NDUFV1: variants seen among roughly 807,000 people sequenced by gnomAD.
The protein encoded by NDUFV1 is NADH:ubiquinone oxidoreductase core subunit V1.
A neutral mutation model predicts 48.7 loss-of-function variants in NDUFV1; 41 were observed. The observed-to-expected ratio is 0.84, with a 90% CI of 0.66 to 1.09. NDUFV1 has a LOEUF of 1.09. NDUFV1 is among the 50% of genes least tolerant of loss of function. NDUFV1 has a pLI of 0.00. For missense variants in NDUFV1, 580 were observed against 645.4 expected, an observed-to-expected ratio of 0.90 and a Z score of 1.10; for synonymous variants, 231 against 259.1, an observed-to-expected ratio of 0.89 and a Z score of 1.04.
rs1330517406 is a variant in NDUFV1, at chr11:67,607,034, G to A, written c.30G>A (p.Trp10Ter). The change falls in exon 1 of 10, where the codon TGG becomes TGA. Residue 10 changes from tryptophan to a stop codon, truncating the protein, a stop_gained. Transcript: ENST00000322776. LOFTEE classifies it high-confidence loss of function. MLATRRLLG[W>*]SLPARVSVRF... ...TGGCAACACGGCGGCTGCTCGGCTG[G>A]TCGCTTCCCGCGCGGGTATCTGTGC... 6.2e-7 allele frequency: 1 copy of A among 1,609,440 alleles called. No homozygotes were observed. The highest frequency in any genetic ancestry group is 8.5e-7 in the Non-Finnish European group (1 of 1,179,122).
In NDUFV1 at chr11:67,608,662, G is replaced by C; in HGVS notation, c.266G>C (p.Gly89Ala). 1 of 1,614,174 alleles carries C rather than the reference G, an allele frequency of 6.2e-7. No homozygotes were observed. Among genetic ancestry groups the C allele is most frequent in the Non-Finnish European group, 8.5e-7 (1 of 1,180,020 alleles). The part of the protein sequence containing the change: ...EIKTSGLRGR[G>A]GAGFPTGLKW... ...AAGACATCGGGTTTGAGGGGCCGTG[G>C]AGGCGCTGGCTTCCCCACTGGCCTC... Residue 89 changes from glycine to alanine, a missense_variant, in exon 3 of 10, where the codon GGA (glycine) becomes GCA (alanine). Transcript: ENST00000322776.
At chr11:67,610,232 A>G (rs1364038823) in intron 4 of NDUFV1, 149 bp from the exon 5 acceptor site, 13 of 786,900 alleles carry the variant, frequency 1.7e-5, no homozygotes, top group East Asian at 2.5e-5. Context: ...AAGTTTTCCA[A>G]TTCGTTTTAC....
chr11:67,612,449 T>C lies in NDUFV1; in HGVS notation c.1386T>C (p.Ala462=), dbSNP rs757808737. ...RFAQQHQARQ[A]AS Reference sequence around the variant, plus strand: ...CCCAGCAGCATCAGGCCCGGCAGGCTGCCTCTTAGCCCACCACCCTGGCCT... The same window carrying C: ...CCCAGCAGCATCAGGCCCGGCAGGCCGCCTCTTAGCCCACCACCCTGGCCT... Residue 462 remains alanine, a synonymous_variant, in exon 10 of 10, where the codon GCT becomes GCC. Transcript: ENST00000322776. This position sits in a 1 kb window ranked among gnomAD's most constrained non-coding sequence, Gnocchi z 4.4. 6.2e-7 allele frequency: 1 copy of C among 1,611,784 alleles called. No individual in the cohort carries two copies. The highest frequency in any genetic ancestry group is 1.1e-5 in the South Asian group (1 of 90,934).
At chr11:67,607,319 T>C (rs1264167144) in intron 1 of NDUFV1, 1 of 683,340 alleles carries the variant, frequency 1.5e-6, no homozygotes, top group Admixed American at 2.0e-5. Flanking sequence ...GGCGGAAGTT[T>C]TGCAGGTTGT....
chr11:67,610,677 G>C, intron 5 of NDUFV1, 107 bp downstream of exon 5: 1 of 1,454,068 alleles, frequency 6.9e-7, no homozygotes, highest in South Asian at 1.2e-5. Flanking sequence ...TTCCCGGCTG[G>C]GGCCAGATAG....
At chr11:67,610,954 AC>A in intron 5 of NDUFV1, 40 bp from the exon 6 acceptor site, 1 of 1,604,400 alleles carries the variant, frequency 6.2e-7, no homozygotes, top group Non-Finnish European at 8.5e-7. Context: ...AACTTGCCCC[AC>A]CCCCTAGCAG....
rs1854891398 is a variant in NDUFV1, at chr11:67,610,459, G to A, written c.589G>A (p.Val197Met). The change falls in exon 5 of 10, where the codon GTG becomes ATG. Residue 197 changes from valine to methionine, a missense_variant. Transcript: ENST00000322776. ...CGSGYDFDVF[V>M]VRGAGAYICG... ...CTCTGGCTATGATTTTGACGTGTTT[G>A]TGGTGCGCGGGGCTGGGGCCTACAT... 4 of 1,614,240 alleles carry A rather than the reference G, an allele frequency of 2.5e-6. No individual in the cohort carries two copies. Among genetic ancestry groups the A allele is most frequent in the Non-Finnish European group, 2.5e-6 (3 of 1,180,046 alleles).
Position 67,611,324 on chromosome 11 carries a change from G to A in NDUFV1, c.914-79G>A. The A allele has an allele frequency of 6.3e-7, 1 of 1,597,822 alleles. No individual in the cohort carries two copies. Among genetic ancestry groups the A allele is most frequent in the Admixed American group, 1.7e-5 (1 of 59,288 alleles). ...GGCTGGGTCTAGGGGCTGACTAAGG[G>A]CCTGGGCTCAGGACTAGGCAGGTGT... On this transcript the variant is annotated intron_variant, in intron 6 of 9. Coordinates refer to ENST00000322776, the MANE Select transcript of NDUFV1 (RefSeq NM_007103.4). This position sits in a 1 kb window ranked among gnomAD's most constrained non-coding sequence, Gnocchi z 4.2.
rs3741165 is a variant in NDUFV1 at position 67,609,392 on chromosome 11, T to C, written c.327-60T>C. ...CCTCCCTGGGTGGAGTGGGGTGGCA[T>C]GGAGTTGAAGACCCAGTCCTGATGG... On this transcript the variant is annotated intron_variant, in intron 3 of 9. Coordinates refer to ENST00000322776, the MANE Select transcript of NDUFV1 (RefSeq NM_007103.4). 10,730 of 1,564,256 alleles carry C rather than the reference T, an allele frequency of 6.9e-3. 474 individuals carry two copies. In the East Asian group the frequency reaches 0.13, roughly 18 times the overall value.
Position 67,609,546 on chromosome 11 carries a change from G to A in NDUFV1, c.421G>A (p.Gly141Ser). The change falls in exon 4 of 10, where the codon GGC becomes AGC. Residue 141 changes from glycine (G) to serine (S), a missense_variant. Coordinates refer to ENST00000322776, the MANE Select transcript of NDUFV1 (RefSeq NM_007103.4). ...LRHDPHKLLE[G>S]CLVGGRAMGA... Reference sequence around the variant, plus strand: ...CCATGATCCTCACAAGCTGCTGGAAGGCTGCCTGGTGGGGGGCCGGGCCAT... The same window carrying A: ...CCATGATCCTCACAAGCTGCTGGAAAGCTGCCTGGTGGGGGGCCGGGCCAT... The A allele has an allele frequency of 6.2e-7, 1 of 1,613,478 alleles. No homozygotes were observed. Among genetic ancestry groups the A allele is most frequent in the Non-Finnish European group, 8.5e-7 (1 of 1,180,020 alleles).
rs1346458303 is a variant in NDUFV1 at position 67,607,015 on chromosome 11, C to G, written c.11C>G (p.Thr4Arg). The G allele has an allele frequency of 3.7e-6, 6 of 1,610,540 alleles. No homozygotes were observed. Among genetic ancestry groups the G allele is most frequent in the Non-Finnish European group, 5.1e-6 (6 of 1,179,196 alleles). The change falls in exon 1 of 10, where the codon ACA (threonine) becomes AGA (arginine). Residue 4 changes from threonine to arginine, a missense_variant. By Grantham distance (71) the Thr-to-Arg change is moderately conservative. Coordinates refer to ENST00000322776, the MANE Select transcript of NDUFV1 (RefSeq NM_007103.4). MLATRRLLGWSLPA... is the reference protein window; with the variant it reads MLARRRLLGWSLPA... ...ATCTGGCCCGCCGCGATGCTGGCAA[C>G]ACGGCGGCTGCTCGGCTGGTCGCTT...
intron 3 of NDUFV1, among the ~76,000 whole-genome samples, 158 bp downstream of exon 3, chr11:67,608,880 T>A (rs189057734): frequency 7.2e-5 from 11 of 152,312 alleles, no homozygotes; most frequent in Non-Finnish European, 1.3e-4. Context: ...TCTGTGGACT[T>A]CCACAGGGGA....
At chr11:67,609,744 G>A (rs1854878185) in intron 4 of NDUFV1, 109 bp downstream of exon 4, 1 of 1,316,190 alleles carries the variant, frequency 7.6e-7, no homozygotes, top group Non-Finnish European at 1.1e-6. Context: ...GTCAGTGGTT[G>A]AACTGGGGGA....
Position 67,611,575 on chromosome 11 carries a change from G to T in NDUFV1, c.1080+6G>T, listed in dbSNP as rs1440025623. 1 of 1,599,726 alleles carries T rather than the reference G, an allele frequency of 6.3e-7. No homozygotes were observed. The highest frequency in any genetic ancestry group is 1.8e-5 in the Admixed American group (1 of 57,130). On this transcript the variant is annotated splice_donor_region_variant and intron_variant, in intron 7 of 9. Coordinates refer to ENST00000322776, the MANE Select transcript of NDUFV1 (RefSeq NM_007103.4). The surrounding 1 kb of genome is among the most constrained non-coding windows in gnomAD (Gnocchi z 4.2). ...TGATCGTCATGGACCGCTCGGTAAG[G>T]GTTCACACACCAGCCCTGGTCCCTG...
chr11:67,608,582 G>A lies in NDUFV1; in HGVS notation c.186G>A (p.Trp62Ter). Residue 62 changes from tryptophan to a stop codon, truncating the protein, a stop_gained, in exon 3 of 10, where the codon TGG (tryptophan) becomes TGA (stop). Coordinates refer to ENST00000322776, the MANE Select transcript of NDUFV1 (RefSeq NM_007103.4). LOFTEE classifies it high-confidence loss of function. ...RLKGSLSRGDWYKTKEILLKG... is the reference protein window; with the variant it reads ...RLKGSLSRGD The stretch of plus-strand genomic sequence containing the variant: ...AAGGTTCCCTGAGTCGAGGTGACTG[G>A]TACAAGACAAAGGAGATCCTGCTGA... 1.2e-6 allele frequency: 2 copies of A among 1,614,172 alleles called. No homozygotes were observed. Among genetic ancestry groups the A allele is most frequent in the South Asian group, 2.2e-5 (2 of 91,078 alleles).
In NDUFV1 at chr11:67,610,548, G is replaced by GC. The variant is rs750767033; in HGVS notation, c.684dup (p.Phe229LeufsTer73). The GC allele has an allele frequency of 2.5e-6, 4 of 1,614,190 alleles. No individual in the cohort carries two copies. The highest frequency in any genetic ancestry group is 1.1e-5 in the South Asian group (1 of 91,086). Reference sequence around the variant, plus strand: ...GCAAGCAGGGCAAGCCCCGCCTGAAGCCCCCCTTCCCCGCAGACGTGGGTA... The same window carrying GC: ...GCAAGCAGGGCAAGCCCCGCCTGAAGCCCCCCCTTCCCCGCAGACGTGGGTA... On this transcript the variant is annotated frameshift_variant, in exon 5 of 10. Coordinates refer to ENST00000322776, the MANE Select transcript of NDUFV1 (RefSeq NM_007103.4). LOFTEE classifies it high-confidence loss of function.
At position 67,611,483 on chromosome 11, in the gene NDUFV1, T is replaced by C; in HGVS notation, c.994T>C (p.Cys332Arg). 1 of 1,614,062 alleles carries C rather than the reference T, an allele frequency of 6.2e-7. No homozygotes were observed. Among genetic ancestry groups the C allele is most frequent in the Non-Finnish European group, 8.5e-7 (1 of 1,179,992 alleles). Residue 332 changes from cysteine to arginine, a missense_variant, in exon 7 of 10, where the codon TGT becomes CGT. Coordinates refer to ENST00000322776, the MANE Select transcript of NDUFV1 (RefSeq NM_007103.4). The surrounding 1 kb of genome is among the most constrained non-coding windows in gnomAD (Gnocchi z 4.2). ...SSTPLIPKSV[C>R]ETVLMDFDAL... ...TACCCCACTGATCCCCAAGTCTGTGTGTGAGACGGTGCTGATGGACTTCGA... is the reference window on the plus strand; with the variant it reads ...TACCCCACTGATCCCCAAGTCTGTGCGTGAGACGGTGCTGATGGACTTCGA...
At position 67,611,734 on chromosome 11, in the gene NDUFV1, C is replaced by T. The variant is rs368919609; in HGVS notation, c.1081-163C>T. ...GAAGGCTGCTCTGAGGAGAATACCCCGGAGTCTGGGCAGCACAGGGGGCCC... is the reference window on the plus strand; with the variant it reads ...GAAGGCTGCTCTGAGGAGAATACCCTGGAGTCTGGGCAGCACAGGGGGCCC... On this transcript the variant is annotated intron_variant, in intron 7 of 9. Coordinates refer to ENST00000322776, the MANE Select transcript of NDUFV1 (RefSeq NM_007103.4). This position sits in a 1 kb window ranked among gnomAD's most constrained non-coding sequence, Gnocchi z 4.2. 184 of 1,375,636 alleles carry T rather than the reference C, an allele frequency of 1.3e-4. No individual in the cohort carries two copies. The highest frequency in any genetic ancestry group is 1.0e-3 in the African/African-American group (73 of 69,824). The allele number at this position is 1,375,636 out of a possible 1,614,324, so 85.2% of individuals were successfully genotyped here.
Position 67,611,589 on chromosome 11 carries a change from C to T in NDUFV1, c.1080+20C>T, listed in dbSNP as rs941569421. On this transcript the variant is annotated intron_variant, in intron 7 of 9. Coordinates refer to ENST00000322776, the MANE Select transcript of NDUFV1 (RefSeq NM_007103.4). The surrounding 1 kb of genome is among the most constrained non-coding windows in gnomAD (Gnocchi z 4.2). ...CGCTCGGTAAGGGTTCACACACCAG[C>T]CCTGGTCCCTGCCCTCCTGGTTGCT... The T allele has an allele frequency of 1.3e-5, 21 of 1,591,270 alleles. No individual in the cohort carries two copies. The highest frequency in any genetic ancestry group is 1.7e-5 in the Non-Finnish European group (20 of 1,168,790).
Sources: gnomAD v4.1 joint callset for allele counts (sites outside exome capture counted in the v4.1 genomes callset) on GRCh38, gnomAD v4.1.1 for gene constraint, Gnocchi (gnomAD v3.1) non-coding constraint, MANE v1.5 for transcripts, NCBI Gene and HGNC (gene_info 2026-07-23, HGNC 2026-07-21) for gene names.